The following CCSER1 variants were observed in gnomAD, a reference collection of about 807,000 sequenced individuals.
CCSER1 encodes the protein coiled-coil serine rich protein 1.
A neutral mutation model predicts 82.0 loss-of-function variants in CCSER1; 41 were observed. That is an observed-to-expected ratio of 0.50 (90% confidence interval 0.39 to 0.65). CCSER1 has a LOEUF of 0.65. Among genes scored for constraint, CCSER1 ranks in the 30% least tolerant of loss-of-function variants. CCSER1 has a pLI of 0.00. For missense variants in CCSER1, 1,119 were observed against 1,064.2 expected (o/e 1.05, Z -0.72); for synonymous variants, 414 against 383.9 (o/e 1.08, Z -0.92).
At chr4:90,604,145 G>A (rs1236390671) in intron 5 of CCSER1, among the ~76,000 whole-genome samples, 1 of 152,190 alleles carries the variant, frequency 6.6e-6, no homozygotes, top group Non-Finnish European at 1.5e-5. Context: ...TAGATGCCAA[G>A]TAGCTTGTTA....
At chr4:90,446,295 A>T (rs1428169071) in intron 4 of CCSER1, among the ~76,000 whole-genome samples, 1 of 152,274 alleles carries the variant, frequency 6.6e-6, no homozygotes, top group East Asian at 1.9e-4. Context: ...AGATAATTGA[A>T]TATTTTATTT....
At chr4:90,784,887 GA>G (rs941257630) in intron 7 of CCSER1, among the ~76,000 whole-genome samples, 2 of 152,100 alleles carry the variant, frequency 1.3e-5, no homozygotes, top group African/African-American at 4.8e-5. Context: ...ATAAGAAAAA[GA>G]AAATATATAC....
Position 91,603,072 on chromosome 4 carries a change from C to G in CCSER1, c.*4015C>G, listed in dbSNP as rs527665132. Among the ~76,000 whole-genome samples the G allele has an allele frequency of 6.6e-6, 1 of 152,080 alleles. No individual in the cohort carries two copies. Among genetic ancestry groups the G allele is most frequent in the East Asian group, 1.9e-4 (1 of 5,174 alleles). On this transcript the variant is annotated 3_prime_UTR_variant, in exon 11 of 11. Coordinates refer to ENST00000509176, the MANE Select transcript of CCSER1 (RefSeq NM_001145065.2). ...ATGTGGTAAATTTATCATGACAACT[C>G]TAGGCTGTAGAAGGCGTAATATAAA...
rs187742242 is a variant in CCSER1 at position 90,242,308 on chromosome 4, A to G, written c.-41-65936A>G. ...GGCTACAGAGCAAGACTCCGTCTCA[A>G]AAAGAAAAGAAAAGAAAAGAACAAA... On this transcript the variant is annotated intron_variant, in intron 1 of 10. Transcript: ENST00000509176. 1.7e-4 allele frequency among the ~76,000 whole-genome samples: 25 copies of G among 150,796 alleles called. No homozygotes were observed. The East Asian group carries it at 4.4e-3, about 27-fold the overall frequency.
intron 10 of CCSER1, among the ~76,000 whole-genome samples, chr4:91,178,583 T>A (rs1205265404): frequency 1.3e-5 from 2 of 152,180 alleles, no homozygotes; most frequent in African/African-American, 4.8e-5. Flanking sequence ...TCTCTTTTGA[T>A]CTTTGTTGGT....
At chr4:90,489,312 C>T (rs1216303129) in intron 5 of CCSER1, among the ~76,000 whole-genome samples, 1 of 152,036 alleles carries the variant, frequency 6.6e-6, no homozygotes, top group Non-Finnish European at 1.5e-5. Context: ...AGATACCAAT[C>T]TTATAAGTGA....
At chr4:90,166,737 A>G (rs1405990000) in intron 1 of CCSER1, among the ~76,000 whole-genome samples, 1 of 151,984 alleles carries the variant, frequency 6.6e-6, no homozygotes, top group Non-Finnish European at 1.5e-5. Context: ...AATTTCAGAT[A>G]TTTTTATTGC....
At chr4:91,496,895 CA>C (rs1340170223) in intron 10 of CCSER1, among the ~76,000 whole-genome samples, 5 of 134,648 alleles carry the variant, frequency 3.7e-5, no homozygotes, top group Non-Finnish European at 7.8e-5. Context: ...ATACATATTC[CA>C]AACTAAATTT....
chr4:91,522,947 G>A (rs1229979398), intron 10 of CCSER1, among the ~76,000 whole-genome samples: 1 of 152,124 alleles, frequency 6.6e-6, no homozygotes, highest in Non-Finnish European at 1.5e-5. Context: ...TCCCTGTCTT[G>A]TGCCAGTTTT....
At chr4:90,527,565 C>A (rs981107573) in intron 5 of CCSER1, among the ~76,000 whole-genome samples, 1 of 152,012 alleles carries the variant, frequency 6.6e-6, no homozygotes, top group African/African-American at 2.4e-5. Context: ...TAAGTTGGGA[C>A]AATGTTTTAC....
chr4:90,500,058 G>A (rs1410841115), intron 5 of CCSER1, among the ~76,000 whole-genome samples: 1 of 152,062 alleles, frequency 6.6e-6, no homozygotes, highest in South Asian at 2.1e-4. Context: ...TTCTGTTCCA[G>A]TCACCATTTT....
At chr4:90,534,302 T>G (rs1033881097) in intron 5 of CCSER1, among the ~76,000 whole-genome samples, 2 of 152,100 alleles carry the variant, frequency 1.3e-5, no homozygotes, top group African/African-American at 4.8e-5. Flanking sequence ...GCTAATTTTG[T>G]GTATTTTTAG....
At chr4:90,165,748 T>C (rs1578277667) in intron 1 of CCSER1, among the ~76,000 whole-genome samples, 1 of 152,104 alleles carries the variant, frequency 6.6e-6, no homozygotes, top group Middle Eastern at 3.4e-3. Flanking sequence ...AAAAGACTAA[T>C]TGTCACAGGG....
rs1212060139 is a variant in CCSER1 at position 91,137,823 on chromosome 4, A to C, written c.2217+51829A>C. ...AACAGAGAGCCAAATCATGAGTGAA[A>C]TCCCATTCACAATTGCTTCAAAGAG... is the stretch of plus-strand genomic sequence containing the variant. On this transcript the variant is annotated intron_variant, in intron 10 of 10. Coordinates refer to ENST00000509176, the MANE Select transcript of CCSER1 (RefSeq NM_001145065.2). 4.7e-5 allele frequency among the ~76,000 whole-genome samples: 7 copies of C among 150,244 alleles called. No homozygotes were observed. The East Asian group carries it at 6.0e-4, about 13-fold the overall frequency.
In CCSER1 at chr4:91,598,871, C is replaced by G. The variant is rs771332721; in HGVS notation, c.2517C>G (p.Leu839=). Residue 839 remains leucine, a synonymous_variant, in exon 11 of 11, where the codon CTC becomes CTG. Coordinates refer to ENST00000509176, the MANE Select transcript of CCSER1 (RefSeq NM_001145065.2). Reference sequence around the variant, plus strand: ...AGCCAACAGCTAAGACAGAAGGGCTCTCCACGTTCTTAGAGAAACCAAAGG... The same window carrying G: ...AGCCAACAGCTAAGACAGAAGGGCTGTCCACGTTCTTAGAGAAACCAAAGG... ...SLKPTAKTEG[L]STFLEKPKDQ... is the part of the protein sequence containing the mutation. 6 of 1,551,508 alleles carry G rather than the reference C, an allele frequency of 3.9e-6. No homozygotes were observed. The highest frequency in any genetic ancestry group is 3.5e-6 in the Non-Finnish European group (4 of 1,146,936).
chr4:91,026,847 G>T (rs200894871), intron 9 of CCSER1, among the ~76,000 whole-genome samples: 1 of 151,978 alleles, frequency 6.6e-6, no homozygotes, highest in East Asian at 1.9e-4. Context: ...TTAATAAAAG[G>T]TATGGCTTAT....
At chr4:90,563,506 C>G (rs1252734329) in intron 5 of CCSER1, among the ~76,000 whole-genome samples, 1 of 152,114 alleles carries the variant, frequency 6.6e-6, no homozygotes, top group Admixed American at 6.5e-5. Context: ...TTTATGTCAG[C>G]AATTTTTTTC....
At chr4:91,201,846 G>GT (rs1735924962) in intron 10 of CCSER1, among the ~76,000 whole-genome samples, 1 of 151,940 alleles carries the variant, frequency 6.6e-6, no homozygotes, top group African/African-American at 2.4e-5. Flanking sequence ...TTCCAGCATA[G>GT]TTGTCATAAT....
At chr4:90,293,062 A>G (rs973024253) in intron 1 of CCSER1, among the ~76,000 whole-genome samples, 3 of 151,836 alleles carry the variant, frequency 2.0e-5, no homozygotes, top group African/African-American at 7.2e-5. Context: ...AGTATGTTTA[A>G]TACAATAAAA....
Sources: gnomAD v4.1 joint callset for allele counts (sites outside exome capture counted in the v4.1 genomes callset) on GRCh38, gnomAD v4.1.1 for gene constraint, MANE v1.5 for transcripts, NCBI Gene and HGNC (gene_info 2026-07-23, HGNC 2026-07-21) for gene names.